Variants in MTERF4 observed in about 807,000 individuals in gnomAD.
The protein encoded by MTERF4 is mitochondrial transcription termination factor 4, also known as transcription termination factor 4, mitochondrial.
Under a neutral mutation model 22.5 loss-of-function variants are expected in MTERF4, and 17 were observed. The ratio of observed to expected loss-of-function variants is 0.75; its 90% CI spans 0.52 to 1.13. The LOEUF is 1.13. MTERF4 is among the 50% of genes most tolerant of loss of function. MTERF4 has a pLI of 0.00. For synonymous variants in MTERF4, 165 were observed against 175.3 expected, an observed-to-expected ratio of 0.94 and a Z score of 0.47; for missense variants, 420 against 466.8, an observed-to-expected ratio of 0.90 and a Z score of 0.92.
Position 241,075,873 on chromosome 2 carries a change from T to C in MTERF4, n.480-191A>G, listed in dbSNP as rs1427033398. ...TGTTAGACTGTGTGTGTGTGAGAAG[T>C]TGGGCTACAATTTCATTTTTTATGC... is the stretch of plus-strand genomic sequence containing the variant. On this transcript the variant is annotated intron_variant and non_coding_transcript_variant, in intron 4 of 4. Coordinates refer to the MTERF4 transcript ENST00000464344. The surrounding 1 kb of genome is among the most constrained non-coding windows in gnomAD (Gnocchi z 4.8). 1.3e-5 allele frequency among the ~76,000 whole-genome samples: 2 copies of C among 152,174 alleles called. No individual in the cohort carries two copies. Among genetic ancestry groups the C allele is most frequent in the Non-Finnish European group, 2.9e-5 (2 of 68,030 alleles).
At chr2:241,089,710 G>A (rs765212646), downstream of MTERF4, among the ~76,000 whole-genome samples, 2 of 152,196 alleles carry the variant, frequency 1.3e-5, no homozygotes, top group South Asian at 2.1e-4. Context: ...TCCTACAGCC[G>A]AGCATCACTT....
the MTERF4 span, chr2:241,052,312 T>TCAGGG: frequency 6.5e-7 from 1 of 1,527,460 alleles, no homozygotes; most frequent in Non-Finnish European, 8.9e-7. Flanking sequence ...TCCCGAGCCT[T>TCAGGG]CAGGGAAGAC....
At chr2:241,071,530 C>G, downstream of MTERF4, 2 of 1,554,542 alleles carry the variant, frequency 1.3e-6, no homozygotes, top group African/African-American at 1.4e-5. Context: ...GGGACAGGAG[C>G]AGAGGGCAGC....
Position 241,095,904 on chromosome 2 carries a change from T to G in MTERF4, c.*94A>C, listed in dbSNP as rs1055926021. The G allele has an allele frequency of 1.3e-6, 2 of 1,518,134 alleles. No individual in the cohort carries two copies. Among genetic ancestry groups the G allele is most frequent in the South Asian group, 1.4e-5 (1 of 73,956 alleles). The allele number at this position is 1,518,134 out of a possible 1,614,324, so 94.0% of individuals were successfully genotyped here. A position where few individuals can be genotyped will look rare whatever the true frequency, so the allele number is the denominator to read the frequency against. ...ACCAGTTTTAGAATAAAAAATAACT[T>G]GAGAAGATTCAAGTAAAGGACCCAA... On this transcript the variant is annotated 3_prime_UTR_variant, in exon 4 of 4. Coordinates refer to ENST00000391980, the MANE Select transcript of MTERF4 (RefSeq NM_182501.4).
chr2:241,099,634 C>G lies in MTERF4; in HGVS notation c.282G>C (p.Arg94Ser). The G allele has an allele frequency of 6.2e-7, 1 of 1,614,158 alleles. No individual in the cohort carries two copies. Among genetic ancestry groups the G allele is most frequent in the Non-Finnish European group, 8.5e-7 (1 of 1,180,030 alleles). Residue 94 changes from arginine to serine, a missense_variant, in exon 2 of 4, where the codon AGG becomes AGC. Arg to Ser is a moderately radical substitution (Grantham distance 110, BLOSUM62 -1). Transcript: ENST00000391980. Reference sequence around the variant, plus strand: ...CCATGTCCAGGAGGGAACTCATGACCCTCTCTAGCTCCAAGGACCCTTGTA... The same window carrying G: ...CCATGTCCAGGAGGGAACTCATGACGCTCTCTAGCTCCAAGGACCCTTGTA... The part of the protein sequence containing the change: ...PVVQGSLELE[R>S]VMSSLLDMGF...
chr2:241,102,132 G>A, intron 1 of MTERF4, 121 bp downstream of exon 1: 2 of 1,374,492 alleles, frequency 1.5e-6, no homozygotes, highest in Non-Finnish European at 2.0e-6. Context: ...AGGTCAGCGT[G>A]CACGGACCTC....
At chr2:241,098,484 C>T (rs1325974208) in intron 2 of MTERF4, among the ~76,000 whole-genome samples, 2 of 152,128 alleles carry the variant, frequency 1.3e-5, no homozygotes, top group Non-Finnish European at 2.9e-5. Flanking sequence ...TGGAGACCCC[C>T]AACTCCTCCA....
At chr2:241,069,040 G>A (rs149369256), downstream of MTERF4, 46 of 1,520,258 alleles carry the variant, frequency 3.0e-5, 1 homozygote, top group Middle Eastern at 3.4e-4. This position sits in a 1 kb window ranked among gnomAD's most constrained non-coding sequence, Gnocchi z 4.9. Context: ...AGAGCAGCGC[G>A]GCCCCCGGCA....
At chr2:241,071,468 CCTTCT>C (rs769816188), downstream of MTERF4, 12 of 1,332,566 alleles carry the variant, frequency 9.0e-6, no homozygotes, top group Admixed American at 2.2e-4. Context: ...GCCCCCCTTC[CCTTCT>C]CCAAGCACGG....
chr2:241,083,541 A>G (rs781114540), downstream of MTERF4, among the ~76,000 whole-genome samples: 1 of 152,188 alleles, frequency 6.6e-6, no homozygotes, highest in Non-Finnish European at 1.5e-5. Context: ...TGTAGCAGGA[A>G]CACATATGAG....
At chr2:241,063,928 C>G in the MTERF4 span, 1 of 1,090,366 alleles carries the variant, frequency 9.2e-7, no homozygotes, top group Non-Finnish European at 1.3e-6. Flanking sequence ...CTAGACTCCT[C>G]CTTTCCCTTC....
the MTERF4 span, chr2:241,065,420 C>G: frequency 6.2e-7 from 1 of 1,613,124 alleles, no homozygotes; most frequent in Non-Finnish European, 8.5e-7. Flanking sequence ...CGGTCACCTA[C>G]GTCTCCTCCG....
chr2:241,090,091 T>C (rs562979308), downstream of MTERF4: 475 of 1,507,924 alleles, frequency 3.2e-4, 19 homozygotes, highest in South Asian at 5.3e-3. Flanking sequence ...TTTTACTTTA[T>C]ACATTTTTAA....
the MTERF4 span, chr2:241,063,974 C>T: frequency 5.2e-4 from 742 of 1,438,642 alleles, 1 homozygote; most frequent in Middle Eastern, 3.3e-3. Flanking sequence ...CCAGACTCCC[C>T]CCTTGCAGCT....
downstream of MTERF4, among the ~76,000 whole-genome samples, chr2:241,084,325 C>CAA (rs1029756517): frequency 5.3e-5 from 8 of 151,898 alleles, no homozygotes; most frequent in Non-Finnish European, 1.5e-5. Context: ...TTAGTAGAGA[C>CAA]AAAGTTTACG....
downstream of MTERF4, among the ~76,000 whole-genome samples, chr2:241,083,609 C>A (rs2063435133): frequency 6.6e-6 from 1 of 152,162 alleles, no homozygotes; most frequent in Non-Finnish European, 1.5e-5. Flanking sequence ...AATTCGGATT[C>A]TATGCAGTGA....
At chr2:241,066,970 G>A in the MTERF4 span, among the ~76,000 whole-genome samples, 4 of 152,230 alleles carry the variant, frequency 2.6e-5, no homozygotes, top group Non-Finnish European at 4.4e-5. Context: ...GAGCCTGGGC[G>A]CATGTGCGGG....
Position 241,081,940 on chromosome 2 carries a change from A to C in MTERF4, n.480-6258T>G, listed in dbSNP as rs116058444. 0.013 allele frequency: 8,485 copies of C among 661,240 alleles called. 504 individuals carry two copies. The African/African-American group carries it at 0.13, about 10-fold the overall frequency. The allele number at this position is 661,240 out of a possible 1,614,324, so 41.0% of individuals were successfully genotyped here. ...GTCTGGTGCACGGGGCTGACCCCTG[A>C]GCCCCCAGGGGCTGCGCTGCTGCCC... is the stretch of plus-strand genomic sequence containing the variant. On this transcript the variant is annotated intron_variant and non_coding_transcript_variant, in intron 4 of 4. Coordinates refer to the MTERF4 transcript ENST00000464344.
At chr2:241,050,728 TC>T in the MTERF4 span, among the ~76,000 whole-genome samples, 3 of 152,094 alleles carry the variant, frequency 2.0e-5, no homozygotes, top group African/African-American at 7.2e-5. Flanking sequence ...CTCAACACAC[TC>T]CTAGGACCAC....
Sources: gnomAD v4.1 joint callset for allele counts (sites outside exome capture counted in the v4.1 genomes callset) on GRCh38, gnomAD v4.1.1 for gene constraint, Gnocchi (gnomAD v3.1) non-coding constraint, MANE v1.5 for transcripts, NCBI Gene and HGNC (gene_info 2026-07-23, HGNC 2026-07-21) for gene names.